Variants in CAMKMT observed in about 807,000 individuals in gnomAD.
CAMKMT encodes the protein calmodulin-lysine N-methyltransferase.
A neutral mutation model predicts 48.0 loss-of-function variants in CAMKMT; 53 were observed. That is an observed-to-expected ratio of 1.10 (90% confidence interval 0.89 to 1.39). The LOEUF (loss-of-function observed/expected upper bound fraction) is 1.39. CAMKMT is among the 40% of genes most tolerant of loss of function. CAMKMT has a pLI of 0.00. For synonymous variants in CAMKMT, 165 were observed against 152.3 expected (o/e 1.08, Z -0.61); for missense variants, 428 against 402.7 (o/e 1.06, Z -0.54).
chr2:44,395,034 A>G (rs1377824346), intron 3 of CAMKMT: 1 of 444,950 alleles, frequency 2.2e-6, no homozygotes, highest in Non-Finnish European at 4.5e-6. Context: ...TGGTTTTTCT[A>G]GAGGAAAAAA....
At chr2:44,593,523 C>T (rs1212673467) in intron 3 of CAMKMT, among the ~76,000 whole-genome samples, 1 of 152,192 alleles carries the variant, frequency 6.6e-6, no homozygotes, top group East Asian at 1.9e-4. Flanking sequence ...TGTCCCAATG[C>T]CACAGCCCGG....
intron 3 of CAMKMT, among the ~76,000 whole-genome samples, chr2:44,588,211 C>T (rs1325169098): frequency 1.5e-3 from 181 of 120,270 alleles, no homozygotes; most frequent in African/African-American, 5.3e-3. Context: ...GCAACCGCCC[C>T]GTCTGAGAAG....
At chr2:44,768,678 G>T (rs914513743) in intron 10 of CAMKMT, among the ~76,000 whole-genome samples, 1 of 152,182 alleles carries the variant, frequency 6.6e-6, no homozygotes, top group Non-Finnish European at 1.5e-5. Flanking sequence ...CCCGCCCGGG[G>T]CTCCGGGACG....
intron 3 of CAMKMT, among the ~76,000 whole-genome samples, chr2:44,446,594 C>T (rs111506068): frequency 4.6e-5 from 7 of 152,324 alleles, no homozygotes; most frequent in African/African-American, 1.7e-4. Context: ...GATCCACCCA[C>T]CTCTGCCTCC....
intron 9 of CAMKMT, among the ~76,000 whole-genome samples, chr2:44,765,802 C>T (rs1435711207): frequency 6.6e-6 from 1 of 152,186 alleles, no homozygotes; most frequent in Admixed American, 6.5e-5. Flanking sequence ...TGAGGAACTG[C>T]TTGGCTATAG....
intron 3 of CAMKMT, among the ~76,000 whole-genome samples, chr2:44,550,976 A>G (rs1485038252): frequency 6.6e-6 from 1 of 152,178 alleles, no homozygotes; most frequent in Admixed American, 6.5e-5. Context: ...TGTACACAAT[A>G]TATGACAACT....
chr2:44,428,930 A>C (rs1309084471), intron 3 of CAMKMT, among the ~76,000 whole-genome samples: 4 of 152,216 alleles, frequency 2.6e-5, no homozygotes, highest in Non-Finnish European at 2.9e-5. Flanking sequence ...CCAGCTAAAC[A>C]GAGCAAGAAG....
intron 3 of CAMKMT, among the ~76,000 whole-genome samples, chr2:44,533,103 C>G (rs1034476077): frequency 6.6e-6 from 1 of 150,828 alleles, no homozygotes; most frequent in East Asian, 2.0e-4. Flanking sequence ...CATGAGCCAC[C>G]GCTCCTGACC....
chr2:44,670,845 C>T (rs535213929), intron 3 of CAMKMT, among the ~76,000 whole-genome samples: 30 of 152,152 alleles, frequency 2.0e-4, no homozygotes, highest in Non-Finnish European at 4.0e-4. Flanking sequence ...GGTCTGTCTT[C>T]TGAACATCTT....
chr2:44,549,865 A>G (rs1424655166), intron 3 of CAMKMT: 2 of 366,794 alleles, frequency 5.5e-6, no homozygotes, highest in Non-Finnish European at 9.7e-6. Context: ...TTGTGTTAAA[A>G]GTCTTGGTGT....
At chr2:44,558,424 C>G (rs1486428009) in intron 3 of CAMKMT, among the ~76,000 whole-genome samples, 1 of 152,124 alleles carries the variant, frequency 6.6e-6, no homozygotes, top group Non-Finnish European at 1.5e-5. Flanking sequence ...GACCAATTTA[C>G]ATATATGGGA....
chr2:44,663,792 G>C (rs1354338484), intron 3 of CAMKMT, among the ~76,000 whole-genome samples: 3 of 152,100 alleles, frequency 2.0e-5, no homozygotes, highest in African/African-American at 7.2e-5. Flanking sequence ...TATAACAAAT[G>C]GTCACCTTCT....
At chr2:44,439,530 A>G (rs1666503571) in intron 3 of CAMKMT, among the ~76,000 whole-genome samples, 1 of 151,970 alleles carries the variant, frequency 6.6e-6, no homozygotes, top group Non-Finnish European at 1.5e-5. Flanking sequence ...CTTTCTGCTG[A>G]TACTGGATTC....
chr2:44,505,842 CTTTATTTATTTATTTA>C (rs59024414), intron 3 of CAMKMT, among the ~76,000 whole-genome samples: 98,680 of 148,262 alleles, frequency 0.67, 33,104 homozygotes, highest in Middle Eastern at 0.76. Flanking sequence ...AGTTTATTTA[CTTTATTTATTTATTTA>C]TTTATTTATT....
rs188912600 is a variant in CAMKMT, at chr2:44,533,386, C to T, written c.376+143081C>T. On this transcript the variant is annotated intron_variant, in intron 3 of 10. Coordinates refer to ENST00000378494, the MANE Select transcript of CAMKMT (RefSeq NM_024766.5). ...CCTAAGTAGCTGGGATTACAGGTGC[C>T]CACCACCACACCCAGCTGATTTTTG... 2.7e-3 allele frequency among the ~76,000 whole-genome samples: 404 copies of T among 151,530 alleles called. 1 individual carries two copies. The highest frequency in any genetic ancestry group is 9.2e-3 in the African/African-American group (380 of 41,282).
chr2:44,639,489 A>G (rs1386945715), intron 3 of CAMKMT, among the ~76,000 whole-genome samples: 1 of 152,214 alleles, frequency 6.6e-6, no homozygotes, highest in African/African-American at 2.4e-5. Flanking sequence ...CAGTTTCCTT[A>G]TCTTTAAAAT....
intron 3 of CAMKMT, among the ~76,000 whole-genome samples, chr2:44,523,891 C>A (rs888801240): frequency 6.6e-6 from 1 of 150,574 alleles, no homozygotes; most frequent in Non-Finnish European, 1.5e-5. Flanking sequence ...GATTCTCCTG[C>A]CTCAGCCTCT....
intron 3 of CAMKMT, among the ~76,000 whole-genome samples, chr2:44,496,917 G>C (rs1669777408): frequency 6.6e-6 from 1 of 152,170 alleles, no homozygotes; most frequent in Non-Finnish European, 1.5e-5. Context: ...GGGATCATTT[G>C]TTGCATTTTT....
chr2:44,664,868 A>G (rs1674872938), intron 3 of CAMKMT, among the ~76,000 whole-genome samples: 1 of 152,216 alleles, frequency 6.6e-6, no homozygotes, highest in African/African-American at 2.4e-5. Context: ...AATAGCCTTC[A>G]GAATGCAAGA....
Sources: gnomAD v4.1 joint callset for allele counts (sites outside exome capture counted in the v4.1 genomes callset) on GRCh38, gnomAD v4.1.1 for gene constraint, MANE v1.5 for transcripts, NCBI Gene and HGNC (gene_info 2026-07-23, HGNC 2026-07-21) for gene names.